The following ANKRD16 variants were observed in gnomAD, a reference collection of about 807,000 sequenced individuals.
ANKRD16 encodes ankyrin repeat domain-containing protein 16.
Under a neutral mutation model 37.9 loss-of-function variants are expected in ANKRD16, and 35 were observed. The ratio of observed to expected loss-of-function variants is 0.92; its 90% CI spans 0.71 to 1.23. The LOEUF is 1.23. ANKRD16 is among the 50% of genes most tolerant of loss of function. The pLI, the probability that ANKRD16 is intolerant of heterozygous loss-of-function variation, is 0.00. For synonymous variants in ANKRD16, 206 were observed against 197.2 expected (o/e 1.04, Z -0.37); for missense variants, 480 against 469.9 (o/e 1.02, Z -0.20).
In ANKRD16 at chr10:5,885,715, G is replaced by A. The variant is rs374675483; in HGVS notation, c.578+8C>T. ...AATATTTTCCCTGACTTGCTGTATT[G>A]TTCTTACCTCTTAAGAAGCACCTTG... On this transcript the variant is annotated splice_region_variant and intron_variant, in intron 3 of 7. Transcript: ENST00000380094. The A allele has an allele frequency of 6.2e-7, 1 of 1,613,228 alleles. No individual in the cohort carries two copies. The highest frequency in any genetic ancestry group is 8.5e-7 in the Non-Finnish European group (1 of 1,179,756).
In ANKRD16 at chr10:5,862,575, C is replaced by T; in HGVS notation, c.*150G>A. On this transcript the variant is annotated 3_prime_UTR_variant, in exon 8 of 8. Coordinates refer to ENST00000380094, the MANE Select transcript of ANKRD16 (RefSeq NM_019046.3). The surrounding 1 kb of genome is among the most constrained non-coding windows in gnomAD (Gnocchi z 6.5). ...CCTCAGATATACAACTTTGATCTCG[C>T]TGGGGTCAAACGTAGGTGGCTGCGG... 1 of 1,285,392 alleles carries T rather than the reference C, an allele frequency of 7.8e-7. No homozygotes were observed. Among genetic ancestry groups the T allele is most frequent in the Non-Finnish European group, 1.0e-6 (1 of 986,312 alleles). The allele number at this position is 1,285,392 out of a possible 1,614,324, so 79.6% of individuals were successfully genotyped here.
chr10:5,889,379 C>G lies in ANKRD16; in HGVS notation c.-25G>C, dbSNP rs1334996647. On this transcript the variant is annotated 5_prime_UTR_variant, in exon 1 of 8. Coordinates refer to ENST00000380094, the MANE Select transcript of ANKRD16 (RefSeq NM_019046.3). ...TCGCCGCGGGTCGGGCCGGGCTGCG[C>G]GGGGAGGCGGCGGGCGGGACACCGG... The G allele has an allele frequency of 1.7e-6, 2 of 1,192,406 alleles. No homozygotes were observed. Among genetic ancestry groups the G allele is most frequent in the East Asian group, 7.3e-5 (2 of 27,358 alleles). The allele number at this position is 1,192,406 out of a possible 1,614,324, so 73.9% of individuals were successfully genotyped here.
chr10:5,883,469 T>C (rs1454034238), intron 4 of ANKRD16, among the ~76,000 whole-genome samples: 1 of 152,212 alleles, frequency 6.6e-6, no homozygotes, highest in Non-Finnish European at 1.5e-5. Context: ...CTAATTTTTA[T>C]ATTTTTAGTA....
At chr10:5,884,139 T>A (rs1244627639) in intron 3 of ANKRD16, 62 bp from the exon 4 acceptor site, 1 of 1,274,928 alleles carries the variant, frequency 7.8e-7, no homozygotes, top group Non-Finnish European at 1.1e-6. Flanking sequence ...AGGGGACAGT[T>A]GACACCTGAT....
At position 5,862,706 on chromosome 10, in the gene ANKRD16, T is replaced by G. The variant is rs1339021067; in HGVS notation, c.*34-15A>C. On this transcript the variant is annotated splice_polypyrimidine_tract_variant and intron_variant, in intron 7 of 7. Coordinates refer to ENST00000380094, the MANE Select transcript of ANKRD16 (RefSeq NM_019046.3). This position sits in a 1 kb window ranked among gnomAD's most constrained non-coding sequence, Gnocchi z 6.5. Reference sequence around the variant, plus strand: ...TCCCAGCAACTCTGTGAAGAAAGAGTTATTATCATCTCAGTTTACAGATGA... The same window carrying G: ...TCCCAGCAACTCTGTGAAGAAAGAGGTATTATCATCTCAGTTTACAGATGA... The G allele has an allele frequency of 2.3e-6, 3 of 1,287,398 alleles. No homozygotes were observed. In the South Asian group the frequency reaches 3.7e-5, roughly 16 times the overall value. 79.7% of individuals were successfully genotyped at this position (1,287,398 alleles called of 1,614,324 possible).
rs543230052 is a variant in ANKRD16, at chr10:5,863,904, G to C, written c.*34-1213C>G. Among the ~76,000 whole-genome samples the C allele has an allele frequency of 6.6e-6, 1 of 152,052 alleles. No individual in the cohort carries two copies. The highest frequency in any genetic ancestry group is 1.5e-5 in the Non-Finnish European group (1 of 68,030). On this transcript the variant is annotated intron_variant, in intron 7 of 7. Transcript: ENST00000380094. The surrounding 1 kb of genome is among the most constrained non-coding windows in gnomAD (Gnocchi z 4.7). The stretch of plus-strand genomic sequence containing the variant: ...GAATAAAGTCCGGATACATTTTGGC[G>C]ACCCAGATGGGAAACACTCAGGCAT...
rs1214517459 is a variant in ANKRD16 at position 5,870,001 on chromosome 10, A to T, written c.*34-7310T>A. Among the ~76,000 whole-genome samples the T allele has an allele frequency of 6.6e-6, 1 of 151,714 alleles. No individual in the cohort carries two copies. The highest frequency in any genetic ancestry group is 1.5e-5 in the Non-Finnish European group (1 of 67,916). On this transcript the variant is annotated intron_variant, in intron 7 of 7. Transcript: ENST00000380094. The surrounding 1 kb of genome is among the most constrained non-coding windows in gnomAD (Gnocchi z 5.0). Reference sequence around the variant, plus strand: ...GAGAATCTGCATTTTTCTTTTTTTCAGGATCCCTAGGTTTGAAGGAATCTG... The same window carrying T: ...GAGAATCTGCATTTTTCTTTTTTTCTGGATCCCTAGGTTTGAAGGAATCTG...
rs1244883115 is a variant in ANKRD16 at position 5,869,296 on chromosome 10, GC to G, written c.*34-6606del. Among the ~76,000 whole-genome samples, 1 of 152,172 alleles carries G rather than the reference GC, an allele frequency of 6.6e-6. No individual in the cohort carries two copies. The highest frequency in any genetic ancestry group is 2.4e-5 in the African/African-American group (1 of 41,416). ...AAACTGTATATATCAAGGATGTGCA[GC>G]TTTGTGTACCAATTATACCTCAGTA... On this transcript the variant is annotated intron_variant, in intron 7 of 7. Coordinates refer to ENST00000380094, the MANE Select transcript of ANKRD16 (RefSeq NM_019046.3). The surrounding 1 kb of genome is among the most constrained non-coding windows in gnomAD (Gnocchi z 4.0).
chr10:5,871,526 C>T lies in ANKRD16; in HGVS notation c.*33+6571G>A, dbSNP rs945989821. On this transcript the variant is annotated intron_variant, in intron 7 of 7. Transcript: ENST00000380094. This position sits in a 1 kb window ranked among gnomAD's most constrained non-coding sequence, Gnocchi z 4.5. ...CATTATTATCCATTCTTGTAGGAAA[C>T]GTAATAAATGTGCTCCACAAATCCC... Among the ~76,000 whole-genome samples, 9 of 152,156 alleles carry T rather than the reference C, an allele frequency of 5.9e-5. No homozygotes were observed. The highest frequency in any genetic ancestry group is 1.2e-4 in the African/African-American group (5 of 41,438).
rs546735499 is a variant in ANKRD16 at position 5,874,562 on chromosome 10, G to A, written c.*33+3535C>T. Among the ~76,000 whole-genome samples the A allele has an allele frequency of 2.0e-5, 3 of 152,276 alleles. No homozygotes were observed. The highest frequency in any genetic ancestry group is 2.4e-5 in the African/African-American group (1 of 41,560). On this transcript the variant is annotated intron_variant, in intron 7 of 7. Coordinates refer to ENST00000380094, the MANE Select transcript of ANKRD16 (RefSeq NM_019046.3). This position sits in a 1 kb window ranked among gnomAD's most constrained non-coding sequence, Gnocchi z 4.7. Reference sequence around the variant, plus strand: ...TGTCCTCTGCAGGGACTCCTTAAGAGGGAGGAGTCATGACTGACCCCCAGC... The same window carrying A: ...TGTCCTCTGCAGGGACTCCTTAAGAAGGAGGAGTCATGACTGACCCCCAGC...
In ANKRD16 at chr10:5,878,310, T is replaced by G. The variant is rs1376370861; in HGVS notation, c.929-23A>C. 6.2e-7 allele frequency: 1 copy of G among 1,607,482 alleles called. No individual in the cohort carries two copies. The highest frequency in any genetic ancestry group is 1.3e-5 in the African/African-American group (1 of 74,892). On this transcript the variant is annotated intron_variant, in intron 6 of 7. Coordinates refer to ENST00000380094, the MANE Select transcript of ANKRD16 (RefSeq NM_019046.3). This position sits in a 1 kb window ranked among gnomAD's most constrained non-coding sequence, Gnocchi z 5.1. ...GGGCTGAGGGGTGACAAAAATCACATGGACTTAAAACACAATCCCTGGAGC... is the reference window on the plus strand; with the variant it reads ...GGGCTGAGGGGTGACAAAAATCACAGGGACTTAAAACACAATCCCTGGAGC...
chr10:5,884,738 C>CT (rs776068751), intron 3 of ANKRD16, among the ~76,000 whole-genome samples: 3,516 of 18,852 alleles, frequency 0.19, 163 homozygotes, highest in African/African-American at 0.37. Flanking sequence ...ATCTCAAAAA[C>CT]TAAAAAAAAA....
chr10:5,877,023 G>T (rs940326199), intron 7 of ANKRD16, among the ~76,000 whole-genome samples: 1 of 152,182 alleles, frequency 6.6e-6, no homozygotes, highest in Non-Finnish European at 1.5e-5. Context: ...GGGTGGATGG[G>T]ACAGGCCAGA....
chr10:5,886,592 A>G (rs1842427143), intron 2 of ANKRD16, among the ~76,000 whole-genome samples: 1 of 25,512 alleles, frequency 3.9e-5, no homozygotes, highest in Non-Finnish European at 6.8e-5. Flanking sequence ...CTCTGTCTCA[A>G]AAAAAAACAA....
At chr10:5,872,662 T>C (rs1444088948) in intron 7 of ANKRD16, among the ~76,000 whole-genome samples, 1 of 151,108 alleles carries the variant, frequency 6.6e-6, no homozygotes, top group Non-Finnish European at 1.5e-5. Context: ...ATTCACGCCA[T>C]ACTCCTGCCT....
intron 6 of ANKRD16, among the ~76,000 whole-genome samples, chr10:5,879,454 C>T (rs1175983896): frequency 1.3e-5 from 2 of 149,958 alleles, no homozygotes; most frequent in South Asian, 2.1e-4. Flanking sequence ...GGTGACAGAG[C>T]GAGACTTTGT....
At position 5,863,194 on chromosome 10, in the gene ANKRD16, G is replaced by C. The variant is rs1841965909; in HGVS notation, c.*34-503C>G. On this transcript the variant is annotated intron_variant, in intron 7 of 7. Transcript: ENST00000380094. The surrounding 1 kb of genome is among the most constrained non-coding windows in gnomAD (Gnocchi z 4.7). ...ATGCAGATCCCACAGGAGAGGGAAG[G>C]GGGAGCTGCTCTCAATTCAGATCAA... 1.3e-5 allele frequency among the ~76,000 whole-genome samples: 2 copies of C among 152,034 alleles called. No individual in the cohort carries two copies. The highest frequency in any genetic ancestry group is 1.3e-4 in the Admixed American group (2 of 15,258).
At chr10:5,879,265 G>C (rs928064816) in intron 6 of ANKRD16, among the ~76,000 whole-genome samples, 12 of 152,150 alleles carry the variant, frequency 7.9e-5, no homozygotes, top group Non-Finnish European at 1.2e-4. Context: ...CTTGAGGTCA[G>C]GAGTTTGAGA....
At position 5,866,679 on chromosome 10, in the gene ANKRD16, C is replaced by T. The variant is rs903381075; in HGVS notation, c.*34-3988G>A. On this transcript the variant is annotated intron_variant, in intron 7 of 7. Coordinates refer to ENST00000380094, the MANE Select transcript of ANKRD16 (RefSeq NM_019046.3). The surrounding 1 kb of genome is among the most constrained non-coding windows in gnomAD (Gnocchi z 4.3). The stretch of plus-strand genomic sequence containing the variant: ...ACCCAAGGAGGTGGCAGTCTTACAC[C>T]GCCGAAGCCATCAAAAAGGGGAAGG... Among the ~76,000 whole-genome samples the T allele has an allele frequency of 4.6e-5, 7 of 152,170 alleles. No homozygotes were observed. Among genetic ancestry groups the T allele is most frequent in the East Asian group, 1.9e-4 (1 of 5,176 alleles).
Sources: allele counts gnomAD v4.1 joint callset (sites outside exome capture counted in the v4.1 genomes callset), GRCh38; gene constraint gnomAD v4.1.1; non-coding constraint Gnocchi (gnomAD v3.1); transcripts MANE v1.5; gene names NCBI Gene and HGNC (gene_info 2026-07-23, HGNC 2026-07-21).